Variants in TSC2 observed in about 807,000 individuals in gnomAD.
TSC2 encodes the protein tuberin.
TSC2 carries 29 observed loss-of-function variants against 202.2 expected under a neutral mutation model. The observed-to-expected ratio is 0.14, with a 90% CI of 0.11 to 0.20. The LOEUF is 0.20. Ranked by LOEUF, TSC2 falls within the 10% of genes least tolerant of loss-of-function variation. TSC2 has a pLI of 1.00. For synonymous variants in TSC2, 1,349 were observed against 1,044.0 expected (o/e 1.29, Z -5.63); for missense variants, 2,429 against 2,420.0 (o/e 1.00, Z -0.08).
At position 2,080,223 on chromosome 16, in the gene TSC2, T is replaced by C; in HGVS notation, c.3456T>C (p.Ser1152=). The C allele has an allele frequency of 6.2e-7, 1 of 1,612,994 alleles. No homozygotes were observed. The highest frequency in any genetic ancestry group is 8.5e-7 in the Non-Finnish European group (1 of 1,180,016). The change falls in exon 30 of 42, where the codon AGT becomes AGC. Residue 1152 remains serine, a synonymous_variant. Coordinates refer to ENST00000219476, the MANE Select transcript of TSC2 (RefSeq NM_000548.5). ...LDVPASQFLG[S]ATSPGPRTAP... is the part of the protein sequence containing the mutation. Reference sequence around the variant, plus strand: ...TGCCGGCCTCCCAGTTCCTGGGCAGTGCCACTTCTCCAGGACCACGGACTG... The same window carrying C: ...TGCCGGCCTCCCAGTTCCTGGGCAGCGCCACTTCTCCAGGACCACGGACTG...
rs201901961 is a variant in TSC2 at position 2,074,435 on chromosome 16, G to A, written c.2545+46G>A. On this transcript the variant is annotated intron_variant, in intron 22 of 41. Coordinates refer to ENST00000219476, the MANE Select transcript of TSC2 (RefSeq NM_000548.5). ...CGCATGCACCCGAGAGGTTCGGGCT[G>A]TGTAACCTGTGCGGGCTTCTCTGGT... 66 of 1,599,878 alleles carry A rather than the reference G, an allele frequency of 4.1e-5. No homozygotes were observed. In the East Asian group the frequency reaches 1.0e-3, roughly 24 times the overall value.
rs145470784 is a variant in TSC2, at chr16:2,050,484, G to A, written c.223G>A (p.Glu75Lys). The A allele has an allele frequency of 1.5e-4, 234 of 1,613,418 alleles. No individual in the cohort carries two copies. The highest frequency in any genetic ancestry group is 1.8e-4 in the Non-Finnish European group (210 of 1,179,714). Residue 75 changes from glutamate (E) to lysine (K), a missense_variant and splice_region_variant, in exon 3 of 42, where the codon GAG becomes AAG. Transcript: ENST00000219476. ...AGTCGCAAAAACCAAGAAATTTGAA[G>A]AGGTAGGTTTATCCAGTTGAGCTAC... Reference protein sequence around the residue: ...CEVAKTKKFEEHAVEALWKAV... With the variant: ...CEVAKTKKFEKHAVEALWKAV...
chr16:2,070,187 C>T (rs2088055973), intron 16 of TSC2, among the ~76,000 whole-genome samples: 2 of 152,172 alleles, frequency 1.3e-5, no homozygotes, highest in South Asian at 4.1e-4. Context: ...CCCATTCTGC[C>T]CTGTCTGCCA....
intron 1 of TSC2, 99 bp from the exon 2 acceptor site, chr16:2,048,488 C>T (rs1596232525): frequency 4.8e-6 from 7 of 1,461,636 alleles, no homozygotes; most frequent in Non-Finnish European, 6.6e-6. Flanking sequence ...AAAGGTTATG[C>T]CCACCAGAGA....
intron 8 of TSC2, 63 bp downstream of exon 8, chr16:2,056,832 C>T (rs2085909992): frequency 6.3e-7 from 1 of 1,599,034 alleles, no homozygotes; most frequent in Non-Finnish European, 8.5e-7. Context: ...AAGGGCCATC[C>T]TGTCTCCCAT....
intron 17 of TSC2, among the ~76,000 whole-genome samples, 190 bp downstream of exon 17, chr16:2,070,768 C>T (rs1230965872): frequency 6.6e-6 from 1 of 152,236 alleles, no homozygotes; most frequent in African/African-American, 2.4e-5. Flanking sequence ...GCAGTCCACA[C>T]ATCTGTGGCT....
chr16:2,063,903 C>T (rs1219621925), intron 14 of TSC2: 6 of 391,224 alleles, frequency 1.5e-5, no homozygotes, highest in Non-Finnish European at 2.9e-5. Context: ...CACATGCCCA[C>T]GCGTGCACAC....
Position 2,084,983 on chromosome 16 carries a change from T to A in TSC2, c.4526T>A (p.Phe1509Tyr). 6.3e-7 allele frequency: 1 copy of A among 1,596,482 alleles called. No individual in the cohort carries two copies. Among genetic ancestry groups the A allele is most frequent in the Non-Finnish European group, 8.6e-7 (1 of 1,168,892 alleles). ...TTCCTGCAGCTCTACCATTCCCCCTTCTTTGGCGACGAGTCAAACAAGCCA... is the reference window on the plus strand; with the variant it reads ...TTCCTGCAGCTCTACCATTCCCCCTACTTTGGCGACGAGTCAAACAAGCCA... ...FVFLQLYHSPFFGDESNKPIL... is the reference protein window; with the variant it reads ...FVFLQLYHSPYFGDESNKPIL... The change falls in exon 35 of 42, where the codon TTC becomes TAC. Residue 1509 changes from phenylalanine (F) to tyrosine (Y), a missense_variant. By Grantham distance (22) the Phe-to-Tyr change is conservative (BLOSUM62 3). Transcript: ENST00000219476.
In TSC2 at chr16:2,048,588, G is replaced by A. The variant is rs1490854448; in HGVS notation, c.-28G>A. 6.2e-7 allele frequency: 1 copy of A among 1,613,658 alleles called. No homozygotes were observed. The highest frequency in any genetic ancestry group is 8.5e-7 in the Non-Finnish European group (1 of 1,180,024). Reference sequence around the variant, plus strand: ...CCCATTCCTGTTTCGTTTGCACAGAGGGGTTTTCTGGTGCGTCCTGGTCCA... The same window carrying A: ...CCCATTCCTGTTTCGTTTGCACAGAAGGGTTTTCTGGTGCGTCCTGGTCCA... On this transcript the variant is annotated splice_region_variant and 5_prime_UTR_variant, in exon 2 of 42. Coordinates refer to ENST00000219476, the MANE Select transcript of TSC2 (RefSeq NM_000548.5).
At chr16:2,085,842 C>T (rs1188041211) in intron 36 of TSC2, among the ~76,000 whole-genome samples, 1 of 152,172 alleles carries the variant, frequency 6.6e-6, no homozygotes, top group Non-Finnish European at 1.5e-5. Context: ...TGACTCCGCC[C>T]AGTCTCAGTG....
chr16:2,055,299 C>T lies in TSC2; in HGVS notation c.482-103C>T. 1.2e-5 allele frequency: 11 copies of T among 897,282 alleles called. No individual in the cohort carries two copies. The South Asian group carries it at 1.4e-4, about 12-fold the overall frequency. The allele number at this position is 897,282 out of a possible 1,614,324, so 55.6% of individuals were successfully genotyped here. On this transcript the variant is annotated intron_variant, in intron 5 of 41. Coordinates refer to ENST00000219476, the MANE Select transcript of TSC2 (RefSeq NM_000548.5). ...TGCCGGGGGACTGATGATGGGGTTT[C>T]TGGCAGTGACGGGTTTGGACACACT...
At position 2,060,667 on chromosome 16, in the gene TSC2, C is replaced by T. The variant is rs45517151; in HGVS notation, c.976-3C>T. On this transcript the variant is annotated splice_polypyrimidine_tract_variant and splice_region_variant and intron_variant, in intron 10 of 41. Coordinates refer to ENST00000219476, the MANE Select transcript of TSC2 (RefSeq NM_000548.5). ...CTGTGTGCTGGCCGGGCTCGTGTTC[C>T]AGGCCATGGCATGTCCGAACGAGGT... The T allele has an allele frequency of 8.1e-6, 13 of 1,613,938 alleles. No individual in the cohort carries two copies. The highest frequency in any genetic ancestry group is 2.2e-5 in the East Asian group (1 of 44,890).
intron 10 of TSC2, among the ~76,000 whole-genome samples, chr16:2,060,164 G>T (rs1008250525): frequency 4.6e-5 from 7 of 152,176 alleles, no homozygotes; most frequent in African/African-American, 1.7e-4. Context: ...GCAGTGCCCC[G>T]TGATGACAGC....
chr16:2,073,182 C>A (rs1451724541), intron 21 of TSC2, among the ~76,000 whole-genome samples, 199 bp downstream of exon 21: 1 of 152,210 alleles, frequency 6.6e-6, no homozygotes, highest in Non-Finnish European at 1.5e-5. Context: ...CTCTTTGGGG[C>A]CTGGGAGCCA....
intron 40 of TSC2, 32 bp from the exon 41 acceptor site, chr16:2,088,195 A>AT (rs761837621): frequency 1.2e-6 from 2 of 1,612,278 alleles, no homozygotes; most frequent in Non-Finnish European, 1.7e-6. Context: ...GTGCCACCTG[A>AT]TAGTGAGCTC....
rs1567128655 is a variant in TSC2 at position 2,087,939 on chromosome 16, AAGGTAGGGCC to A, written c.5067_5068+8del. ...AACCTGGTGTCCCTGCAGTGCAGGAAAGGTAGGGCCGGGTGGGGCCCTGCAGTGCAGGAAA... is the reference window on the plus strand; with the variant it reads ...AACCTGGTGTCCCTGCAGTGCAGGAAGGGTGGGGCCCTGCAGTGCAGGAAA... On this transcript the variant is annotated splice_donor_variant and splice_donor_5th_base_variant and coding_sequence_variant and intron_variant, in exon 39 of 42. Transcript: ENST00000219476. LOFTEE classifies it high-confidence loss of function. The A allele has an allele frequency of 6.2e-7, 1 of 1,605,126 alleles. No individual in the cohort carries two copies. The highest frequency in any genetic ancestry group is 8.5e-7 in the Non-Finnish European group (1 of 1,174,442).
chr16:2,079,570 G>T lies in TSC2; in HGVS notation c.3298G>T (p.Val1100Leu), dbSNP rs1596385749. Reference protein sequence around the residue: ...SGPESSSSPGVHVRQTKEAPA... With the variant: ...SGPESSSSPGLHVRQTKEAPA... ...TTCTCTTCTCAGCTCCAGCCCCGGG[G>T]TGCATGTGAGACAGACCAAGGAGGC... is the stretch of plus-strand genomic sequence containing the variant. Residue 1100 changes from valine (V) to leucine (L), a missense_variant, in exon 29 of 42, where the codon GTG (valine) becomes TTG (leucine). Coordinates refer to ENST00000219476, the MANE Select transcript of TSC2 (RefSeq NM_000548.5). The surrounding 1 kb of genome is among the most constrained non-coding windows in gnomAD (Gnocchi z 4.6). 1 of 1,610,940 alleles carries T rather than the reference G, an allele frequency of 6.2e-7. No individual in the cohort carries two copies. The highest frequency in any genetic ancestry group is 1.3e-5 in the African/African-American group (1 of 74,904).
chr16:2,077,566 T>G, intron 25 of TSC2, 32 bp from the exon 26 acceptor site: 1 of 1,612,198 alleles, frequency 6.2e-7, no homozygotes, highest in Non-Finnish European at 8.5e-7. Context: ...CTGGGCTCTC[T>G]GGGGCGTTGG....
intron 15 of TSC2, chr16:2,064,916 C>G (rs1358417804): frequency 2.3e-5 from 5 of 221,146 alleles, no homozygotes; most frequent in Non-Finnish European, 4.5e-5. Context: ...GAGTTCAAGA[C>G]CAGCCTGGCC....
Sources: allele counts gnomAD v4.1 joint callset (sites outside exome capture counted in the v4.1 genomes callset), GRCh38; gene constraint gnomAD v4.1.1; non-coding constraint Gnocchi (gnomAD v3.1); transcripts MANE v1.5; gene names NCBI Gene and HGNC (gene_info 2026-07-23, HGNC 2026-07-21).